The following RBFOX1 variants were observed in gnomAD, a reference collection of about 807,000 sequenced individuals.
RBFOX1 encodes RNA binding fox-1 homolog 1.
Under a neutral mutation model 57.7 loss-of-function variants are expected in RBFOX1, and 8 were observed. The ratio of observed to expected loss-of-function variants is 0.14; its 90% CI spans 0.08 to 0.25. The LOEUF (loss-of-function observed/expected upper bound fraction) is 0.25, where lower values mean the gene tolerates loss of function less well. Among genes scored for constraint, RBFOX1 ranks in the 10% least tolerant of loss-of-function variants. The pLI is 1.00. For synonymous variants in RBFOX1, 326 were observed against 222.4 expected (o/e 1.47, Z -4.15); for missense variants, 611 against 548.5 (o/e 1.11, Z -1.14).
intron 5 of RBFOX1, among the ~76,000 whole-genome samples, chr16:7,538,942 G>A (rs2082202950): frequency 7.0e-6 from 1 of 143,200 alleles, no homozygotes; most frequent in South Asian, 2.2e-4. Flanking sequence ...ACTTTCATAT[G>A]GGCATCATCT....
chr16:6,698,171 C>G (rs1848612670), intron 3 of RBFOX1, among the ~76,000 whole-genome samples: 1 of 152,182 alleles, frequency 6.6e-6, no homozygotes, highest in Admixed American at 6.5e-5. Context: ...TCTTCCACCT[C>G]CCTTAAAATT....
At chr16:7,406,599 G>T (rs542953986) in intron 4 of RBFOX1, among the ~76,000 whole-genome samples, 21 of 152,328 alleles carry the variant, frequency 1.4e-4, no homozygotes, top group African/African-American at 5.1e-4. Context: ...CCGGAATCCA[G>T]TGTTGGCCTG....
At chr16:6,687,693 G>C (rs1437661220) in intron 3 of RBFOX1, among the ~76,000 whole-genome samples, 1 of 152,130 alleles carries the variant, frequency 6.6e-6, no homozygotes, top group Non-Finnish European at 1.5e-5. Context: ...GTCCTGTATG[G>C]TTTTTCAAAG....
At chr16:7,017,941 G>A (rs1056275036) in intron 3 of RBFOX1, among the ~76,000 whole-genome samples, 10 of 152,282 alleles carry the variant, frequency 6.6e-5, no homozygotes, top group East Asian at 1.9e-4. Context: ...AACTGTCGGC[G>A]ACGTGTGAAT....
chr16:6,457,887 C>T (rs2094815986), intron 2 of RBFOX1, among the ~76,000 whole-genome samples: 1 of 152,080 alleles, frequency 6.6e-6, no homozygotes, highest in African/African-American at 2.4e-5. Context: ...ATTCAGTTTA[C>T]AGATAGTTCT....
chr16:5,712,533 A>C (rs1457050129), intron 3 of RBFOX1, among the ~76,000 whole-genome samples: 1 of 152,140 alleles, frequency 6.6e-6, no homozygotes, highest in Admixed American at 6.5e-5. Context: ...TCAGAGAATG[A>C]CTGTTAGCGG....
chr16:6,824,601 C>T (rs76204973), intron 3 of RBFOX1, among the ~76,000 whole-genome samples: 1 of 152,068 alleles, frequency 6.6e-6, no homozygotes, highest in Non-Finnish European at 1.5e-5. Context: ...TAAAGGTGTG[C>T]TGTTTTGTCA....
At chr16:6,848,568 A>G (rs560428054) in intron 3 of RBFOX1, among the ~76,000 whole-genome samples, 1 of 152,216 alleles carries the variant, frequency 6.6e-6, no homozygotes, top group African/African-American at 2.4e-5. Context: ...GAGATAGAAA[A>G]AAAGGTGATA....
chr16:5,686,116 C>G (rs1049037001), intron 3 of RBFOX1, among the ~76,000 whole-genome samples: 3 of 152,152 alleles, frequency 2.0e-5, no homozygotes, highest in African/African-American at 7.2e-5. Flanking sequence ...AAGATGGAGA[C>G]TGGTATCTAC....
At chr16:5,747,389 C>T (rs1253230488) in intron 3 of RBFOX1, among the ~76,000 whole-genome samples, 1 of 152,294 alleles carries the variant, frequency 6.6e-6, no homozygotes, top group South Asian at 2.1e-4. Flanking sequence ...CAGGATGACG[C>T]TGGCCTCATA....
At chr16:6,579,738 A>G (rs1329496774) in intron 2 of RBFOX1, among the ~76,000 whole-genome samples, 1 of 151,964 alleles carries the variant, frequency 6.6e-6, no homozygotes, top group East Asian at 1.9e-4. Flanking sequence ...GAACAGACTA[A>G]TACACTTGGC....
intron 1 of RBFOX1, among the ~76,000 whole-genome samples, chr16:5,355,421 A>G (rs949257776): frequency 6.6e-6 from 1 of 152,172 alleles, no homozygotes; most frequent in Non-Finnish European, 1.5e-5. Context: ...GAGGACAAGG[A>G]GACCTCTTGA....
intron 4 of RBFOX1, among the ~76,000 whole-genome samples, chr16:5,910,312 C>A (rs1165706988): frequency 2.0e-5 from 3 of 152,132 alleles, no homozygotes; most frequent in Admixed American, 2.0e-4. Context: ...CACGTTCTCC[C>A]GTTCCCTGCC....
intron 2 of RBFOX1, among the ~76,000 whole-genome samples, chr16:5,537,662 C>G (rs1342284426): frequency 6.6e-6 from 1 of 152,186 alleles, no homozygotes; most frequent in African/African-American, 2.4e-5. Context: ...GGCTAGTAAC[C>G]TCCTGCCTCC....
chr16:7,321,899 C>G (rs768478100), intron 4 of RBFOX1, among the ~76,000 whole-genome samples: 6 of 152,170 alleles, frequency 3.9e-5, no homozygotes, highest in South Asian at 2.1e-4. Context: ...CGCAGAGAGA[C>G]CATCTTGCAG....
intron 4 of RBFOX1, among the ~76,000 whole-genome samples, chr16:7,088,080 C>T (rs1317845586): frequency 6.6e-6 from 1 of 152,080 alleles, no homozygotes; most frequent in Non-Finnish European, 1.5e-5. Flanking sequence ...GGTTCATTAG[C>T]ATTAAGCTGC....
intron 4 of RBFOX1, among the ~76,000 whole-genome samples, chr16:5,975,369 C>A (rs529823541): frequency 7.2e-5 from 11 of 152,166 alleles, no homozygotes; most frequent in Non-Finnish European, 1.3e-4. Flanking sequence ...TCTGATAATG[C>A]ATTAATGTAA....
intron 2 of RBFOX1, among the ~76,000 whole-genome samples, chr16:6,478,407 ATATATATATATATATATATATATTTTTT>A (rs1354435964): frequency 5.4e-5 from 1 of 18,480 alleles, no homozygotes; most frequent in African/African-American, 3.2e-4. Context: ...ATATATATAT[ATATATATATATATATATATATATTTTTT>A]TTTTTTTTTT....
intron 4 of RBFOX1, among the ~76,000 whole-genome samples, chr16:7,188,812 A>T (rs1207940682): frequency 6.6e-6 from 1 of 152,190 alleles, no homozygotes; most frequent in Non-Finnish European, 1.5e-5. Flanking sequence ...GGAACCAAAG[A>T]ATGACATTGA....
Sources: allele counts gnomAD v4.1 joint callset (sites outside exome capture counted in the v4.1 genomes callset), GRCh38; gene constraint gnomAD v4.1.1; transcripts MANE v1.5; gene names NCBI Gene and HGNC (gene_info 2026-07-23, HGNC 2026-07-21).